The following CNTN6 variants were observed in gnomAD, a reference collection of about 807,000 sequenced individuals.
CNTN6 encodes contactin 6, also known as contactin-6.
A neutral mutation model predicts 122.8 loss-of-function variants in CNTN6; 137 were observed. The ratio of observed to expected loss-of-function variants is 1.12; its 90% CI spans 0.97 to 1.29. The LOEUF (loss-of-function observed/expected upper bound fraction) is 1.29, where lower values mean the gene tolerates loss of function less well. CNTN6 is among the 50% of genes most tolerant of loss of function. CNTN6 has a pLI of 0.00. For synonymous variants in CNTN6, 570 were observed against 426.0 expected (o/e 1.34, Z -4.16); for missense variants, 1,634 against 1,223.4 (o/e 1.34, Z -5.01).
chr3:1,378,973 GAGT>G (rs1470317134), intron 17 of CNTN6, among the ~76,000 whole-genome samples: 1 of 152,122 alleles, frequency 6.6e-6, no homozygotes, highest in Non-Finnish European at 1.5e-5. Context: ...AATTGTTTGT[GAGT>G]AGTTTATTTA....
At chr3:1,376,412 C>G (rs1709874507) in intron 16 of CNTN6, among the ~76,000 whole-genome samples, 1 of 151,980 alleles carries the variant, frequency 6.6e-6, no homozygotes, top group East Asian at 1.9e-4. Context: ...AGAACCTCTC[C>G]CAGTCGCATT....
At chr3:1,312,243 G>A (rs1186953483) in intron 7 of CNTN6, among the ~76,000 whole-genome samples, 1 of 151,500 alleles carries the variant, frequency 6.6e-6, no homozygotes, top group African/African-American at 2.4e-5. Flanking sequence ...TTTTTTCAAG[G>A]AGCATAGAGT....
chr3:1,149,211 G>T (rs937008977), intron 2 of CNTN6, among the ~76,000 whole-genome samples: 35 of 151,536 alleles, frequency 2.3e-4, no homozygotes, highest in African/African-American at 8.1e-4. Context: ...GAGCTTAATT[G>T]TCAAGATTAA....
intron 7 of CNTN6, among the ~76,000 whole-genome samples, chr3:1,305,678 A>G (rs1480659520): frequency 6.6e-6 from 1 of 151,978 alleles, no homozygotes; most frequent in East Asian, 1.9e-4. Context: ...TTTTTTAAAA[A>G]AATCTTAATT....
At chr3:1,287,562 G>T (rs1344629076) in intron 5 of CNTN6, among the ~76,000 whole-genome samples, 1 of 152,096 alleles carries the variant, frequency 6.6e-6, no homozygotes, top group East Asian at 1.9e-4. Context: ...TCACTCAGAA[G>T]CTGGCTATGA....
intron 11 of CNTN6, among the ~76,000 whole-genome samples, chr3:1,346,193 G>A (rs371807217): frequency 2.5e-4 from 38 of 152,226 alleles, no homozygotes; most frequent in African/African-American, 9.1e-4. Context: ...TGACAAAAAA[G>A]GATGTGAATG....
At chr3:1,236,385 G>A (rs1055671199) in intron 4 of CNTN6, among the ~76,000 whole-genome samples, 6 of 152,082 alleles carry the variant, frequency 3.9e-5, no homozygotes, top group African/African-American at 1.4e-4. Context: ...ACAGCTGCAA[G>A]ACCTAAAGAT....
intron 11 of CNTN6, among the ~76,000 whole-genome samples, chr3:1,336,074 C>CA (rs1397901310): frequency 1.3e-5 from 2 of 151,188 alleles, no homozygotes; most frequent in African/African-American, 2.4e-5. Context: ...ACAACAACAA[C>CA]AAAAAAATCC....
Position 1,352,394 on chromosome 3 carries a change from TG to T in CNTN6, c.1436del (p.Cys479SerfsTer2). 1 of 1,608,542 alleles carries T rather than the reference TG, an allele frequency of 6.2e-7. No homozygotes were observed. Among genetic ancestry groups the T allele is most frequent in the Non-Finnish European group, 8.5e-7 (1 of 1,176,360 alleles). ...CAGGTCAGATGCTGGATCATATACA[TG>T]CATAGCCACAAATCAGTTTGGCACT... ...ITRSDAGSYT[C>X]IATNQFGTAK... On this transcript the variant is annotated frameshift_variant, in exon 12 of 23. Transcript: ENST00000446702. LOFTEE classifies it high-confidence loss of function.
intron 4 of CNTN6, among the ~76,000 whole-genome samples, chr3:1,268,451 T>TA (rs1190782188): frequency 1.1e-4 from 16 of 151,864 alleles, no homozygotes; most frequent in African/African-American, 3.6e-4. Flanking sequence ...ACTAAAAATA[T>TA]AAAAAATTAG....
At chr3:1,156,765 G>A (rs1255752545) in intron 2 of CNTN6, among the ~76,000 whole-genome samples, 3 of 149,638 alleles carry the variant, frequency 2.0e-5, no homozygotes, top group African/African-American at 4.9e-5. Context: ...CAAGGCTGAA[G>A]TGCAATGGCG....
At chr3:1,377,777 C>A (rs1710089504) in intron 17 of CNTN6, among the ~76,000 whole-genome samples, 1 of 152,140 alleles carries the variant, frequency 6.6e-6, no homozygotes, top group Non-Finnish European at 1.5e-5. Context: ...AGTGTTACCT[C>A]TGGATTCTCC....
intron 12 of CNTN6, among the ~76,000 whole-genome samples, chr3:1,366,936 C>T (rs775378209): frequency 2.6e-5 from 4 of 152,164 alleles, no homozygotes; most frequent in Non-Finnish European, 5.9e-5. Context: ...CTATTTTTCA[C>T]ACTGCAGATA....
intron 12 of CNTN6, among the ~76,000 whole-genome samples, chr3:1,356,990 T>C (rs2126090115): frequency 6.6e-6 from 1 of 152,028 alleles, no homozygotes; most frequent in Non-Finnish European, 1.5e-5. Flanking sequence ...CAATGTTGTC[T>C]TGGTCTTCAT....
intron 2 of CNTN6, among the ~76,000 whole-genome samples, chr3:1,164,141 T>G (rs1461649284): frequency 1.3e-5 from 2 of 152,238 alleles, no homozygotes; most frequent in Non-Finnish European, 2.9e-5. Flanking sequence ...AGACACAGGT[T>G]AACAGAGAGC....
In CNTN6 at chr3:1,357,230, T is replaced by C. The variant is rs988135200; in HGVS notation, c.1492+4779T>C. Among the ~76,000 whole-genome samples the C allele has an allele frequency of 4.6e-5, 7 of 151,816 alleles. No homozygotes were observed. The Admixed American group carries it at 4.6e-4, about 10-fold the overall frequency. On this transcript the variant is annotated intron_variant, in intron 12 of 22. Transcript: ENST00000446702. ...GTTTAATTTTGATAAAAATAGGGGG[T>C]GTATAGCTAGTGGTTTATGCCAGTT...
At chr3:1,379,198 C>G (rs765373435) in intron 17 of CNTN6, among the ~76,000 whole-genome samples, 1 of 152,080 alleles carries the variant, frequency 6.6e-6, no homozygotes, top group Non-Finnish European at 1.5e-5. Context: ...AGAATACTGT[C>G]TTTCCACGAT....
intron 1 of CNTN6, among the ~76,000 whole-genome samples, chr3:1,130,056 T>A (rs1341838383): frequency 6.6e-6 from 1 of 152,088 alleles, no homozygotes; most frequent in Non-Finnish European, 1.5e-5. Flanking sequence ...AAAAGTCCTG[T>A]CTTCTCTATA....
chr3:1,386,890 T>A (rs1693065061), intron 20 of CNTN6, among the ~76,000 whole-genome samples: 1 of 152,202 alleles, frequency 6.6e-6, no homozygotes, highest in African/African-American at 2.4e-5. Context: ...ATATTAAAGT[T>A]ATTCCCCTTA....
Sources: gnomAD v4.1 joint callset for allele counts (sites outside exome capture counted in the v4.1 genomes callset) on GRCh38, gnomAD v4.1.1 for gene constraint, MANE v1.5 for transcripts, NCBI Gene and HGNC (gene_info 2026-07-23, HGNC 2026-07-21) for gene names.